Variants in ARHGAP12 observed in about 807,000 individuals in gnomAD.
ARHGAP12 encodes Rho GTPase activating protein 12, also known as rho GTPase-activating protein 12.
A neutral mutation model predicts 108.6 loss-of-function variants in ARHGAP12; 64 were observed. The ratio of observed to expected loss-of-function variants is 0.59; its 90% CI spans 0.48 to 0.73. The LOEUF is 0.73. Among genes scored for constraint, ARHGAP12 ranks in the 30% least tolerant of loss-of-function variants. The pLI, the probability that ARHGAP12 is intolerant of heterozygous loss-of-function variation, is 0.00. For synonymous variants in ARHGAP12, 312 were observed against 337.2 expected (o/e 0.93, Z 0.82); for missense variants, 940 against 1,005.9 (o/e 0.93, Z 0.89).
intron 1 of ARHGAP12, among the ~76,000 whole-genome samples, 139 bp downstream of exon 1, chr10:31,928,524 GCACCTCCGCGGCGCCGCCGC>G (rs1278745200): frequency 6.7e-6 from 1 of 149,066 alleles, no homozygotes; most frequent in Non-Finnish European, 1.5e-5. Flanking sequence ...CCCTTTGCGC[GCACCTCCGCGGCGCCGCCGC>G]CGCCGCCGCC....
At chr10:31,878,153 AAC>A (rs1837804952) in intron 3 of ARHGAP12, among the ~76,000 whole-genome samples, 1 of 152,198 alleles carries the variant, frequency 6.6e-6, no homozygotes. Flanking sequence ...TAAATTATGA[AAC>A]ACAGATACAA....
chr10:31,875,542 T>C (rs1442718529), intron 3 of ARHGAP12, among the ~76,000 whole-genome samples: 2 of 152,216 alleles, frequency 1.3e-5, no homozygotes, highest in African/African-American at 2.4e-5. Flanking sequence ...GGGAATAGGA[T>C]TGTTCTGTAA....
chr10:31,919,564 G>A (rs1470587260), intron 1 of ARHGAP12, among the ~76,000 whole-genome samples: 1 of 151,896 alleles, frequency 6.6e-6, no homozygotes, highest in African/African-American at 2.4e-5. Flanking sequence ...AGGCTGAGGT[G>A]GGCGGATCAC....
chr10:31,887,963 T>C (rs987315547), intron 3 of ARHGAP12, among the ~76,000 whole-genome samples: 1 of 152,100 alleles, frequency 6.6e-6, no homozygotes. Flanking sequence ...GGCCTGCCCT[T>C]CCTATTTTAT....
chr10:31,844,774 T>C (rs912187751), intron 6 of ARHGAP12, among the ~76,000 whole-genome samples: 1 of 151,402 alleles, frequency 6.6e-6, no homozygotes, highest in Non-Finnish European at 1.5e-5. Context: ...GTTTTATACA[T>C]GTGCCCTTAC....
chr10:31,836,845 G>A (rs1836039484), intron 9 of ARHGAP12, among the ~76,000 whole-genome samples: 1 of 152,112 alleles, frequency 6.6e-6, no homozygotes, highest in Non-Finnish European at 1.5e-5. Context: ...ACAACAGCAT[G>A]GATGGAGCAT....
intron 3 of ARHGAP12, among the ~76,000 whole-genome samples, chr10:31,868,019 G>A (rs910240519): frequency 6.6e-6 from 1 of 152,084 alleles, no homozygotes; most frequent in African/African-American, 2.4e-5. Flanking sequence ...GGCCAACATG[G>A]CGAAACCCCA....
In ARHGAP12 at chr10:31,920,449, C is replaced by CAAAAAA. The variant is rs71027040; in HGVS notation, c.-111+8228_-111+8233dup. Among the ~76,000 whole-genome samples the CAAAAAA allele has an allele frequency of 8.7e-4, 52 of 59,524 alleles. 1 individual carries two copies. Among genetic ancestry groups the CAAAAAA allele is most frequent in the Admixed American group, 1.6e-3 (7 of 4,268 alleles). The allele number at this position is 59,524 out of a possible 152,430, so 39.1% of individuals were successfully genotyped here. ...TAGGCGACAGAGTGAGACTCCGTCT[C>CAAAAAA]AAAAAAAAAAAAAAAAAAAAAAGAA... On this transcript the variant is annotated intron_variant, in intron 1 of 19. Coordinates refer to ENST00000344936, the MANE Select transcript of ARHGAP12 (RefSeq NM_018287.7).
intron 7 of ARHGAP12, 134 bp from the exon 8 acceptor site, chr10:31,839,845 C>T: frequency 5.6e-6 from 3 of 536,992 alleles, no homozygotes; most frequent in Non-Finnish European, 9.2e-6. Flanking sequence ...TATTCAGCTC[C>T]AAGCTAATAA....
At chr10:31,924,289 C>CTTT (rs1839939848) in intron 1 of ARHGAP12, among the ~76,000 whole-genome samples, 4 of 152,226 alleles carry the variant, frequency 2.6e-5, no homozygotes, top group Non-Finnish European at 5.9e-5. Flanking sequence ...AACTCAAAGG[C>CTTT]CTATGAACTT....
At chr10:31,886,579 T>C (rs1838197802) in intron 3 of ARHGAP12, among the ~76,000 whole-genome samples, 1 of 152,178 alleles carries the variant, frequency 6.6e-6, no homozygotes, top group Non-Finnish European at 1.5e-5. Flanking sequence ...TTCTGAAATA[T>C]AAAAAGTATA....
At chr10:31,867,683 GTTT>G (rs1267696729) in intron 3 of ARHGAP12, among the ~76,000 whole-genome samples, 1 of 151,956 alleles carries the variant, frequency 6.6e-6, no homozygotes, top group East Asian at 1.9e-4. Context: ...TGTTTCAAGA[GTTT>G]TAAAAAAATA....
At chr10:31,917,795 G>A (rs142308775) in intron 1 of ARHGAP12, among the ~76,000 whole-genome samples, 173 of 152,296 alleles carry the variant, frequency 1.1e-3, no homozygotes, top group African/African-American at 4.0e-3. Flanking sequence ...TTTAAATTAT[G>A]CCAGTTTACT....
At chr10:31,852,302 G>C (rs1448477122) in intron 6 of ARHGAP12, among the ~76,000 whole-genome samples, 3 of 152,050 alleles carry the variant, frequency 2.0e-5, no homozygotes, top group African/African-American at 7.2e-5. Context: ...TAACCCAAAA[G>C]ATATTCTGAA....
intron 3 of ARHGAP12, among the ~76,000 whole-genome samples, chr10:31,894,073 A>T (rs1408111686): frequency 1.3e-5 from 2 of 152,184 alleles, no homozygotes; most frequent in Non-Finnish European, 2.9e-5. Context: ...ACTCTCAATA[A>T]ACTAGGTATT....
intron 10 of ARHGAP12, among the ~76,000 whole-genome samples, chr10:31,828,327 T>A (rs979030417): frequency 6.6e-6 from 1 of 152,122 alleles, no homozygotes; most frequent in African/African-American, 2.4e-5. Context: ...TTTCTTTCAA[T>A]AGATGAGTAG....
At chr10:31,888,019 C>T (rs1838254181) in intron 3 of ARHGAP12, among the ~76,000 whole-genome samples, 1 of 152,152 alleles carries the variant, frequency 6.6e-6, no homozygotes, top group South Asian at 2.1e-4. Context: ...ATCTTCAAAA[C>T]TTTCAGTGGT....
chr10:31,827,658 G>A (rs1163256353), intron 10 of ARHGAP12, among the ~76,000 whole-genome samples: 1 of 152,086 alleles, frequency 6.6e-6, no homozygotes, highest in African/African-American at 2.4e-5. Flanking sequence ...AGGCGTGGTG[G>A]CGGGCACCTG....
chr10:31,925,589 T>C (rs1312650513), intron 1 of ARHGAP12, among the ~76,000 whole-genome samples: 1 of 152,188 alleles, frequency 6.6e-6, no homozygotes, highest in East Asian at 1.9e-4. Context: ...CACATATACA[T>C]TGTATAGCCA....
Sources: allele counts gnomAD v4.1 joint callset (sites outside exome capture counted in the v4.1 genomes callset), GRCh38; gene constraint gnomAD v4.1.1; transcripts MANE v1.5; gene names NCBI Gene and HGNC (gene_info 2026-07-23, HGNC 2026-07-21).